The following SLIT3 variants were observed in gnomAD, a reference collection of about 807,000 sequenced individuals.
SLIT3 encodes slit guidance ligand 3, also known as slit homolog 3 protein.
SLIT3 carries 68 observed loss-of-function variants against 184.0 expected under a neutral mutation model. The ratio of observed to expected loss-of-function variants is 0.37; its 90% CI spans 0.30 to 0.45. SLIT3 has a LOEUF of 0.45. SLIT3 is among the 20% of genes least tolerant of loss of function. The pLI, the probability that SLIT3 is intolerant of heterozygous loss-of-function variation, is 1.00. For synonymous variants in SLIT3, 831 were observed against 828.6 expected, an observed-to-expected ratio of 1.00 and a Z score of -0.05; for missense variants, 1,707 against 2,026.0, an observed-to-expected ratio of 0.84 and a Z score of 3.02.
chr5:168,873,753 C>T (rs1459103523), intron 5 of SLIT3, among the ~76,000 whole-genome samples: 2 of 152,004 alleles, frequency 1.3e-5, no homozygotes, highest in East Asian at 3.9e-4. Context: ...ATTTTATAGA[C>T]TAAGAGTTGA....
intron 3 of SLIT3, among the ~76,000 whole-genome samples, chr5:169,233,423 G>A (rs1280719334): frequency 7.1e-6 from 1 of 139,960 alleles, no homozygotes; most frequent in African/African-American, 2.7e-5. Context: ...TTTTTTTGGT[G>A]TATTGACCTT....
chr5:168,777,719 G>A (rs1755812416), intron 12 of SLIT3, among the ~76,000 whole-genome samples: 1 of 152,218 alleles, frequency 6.6e-6, no homozygotes, highest in Admixed American at 6.5e-5. Flanking sequence ...GGCTCCCTCA[G>A]GCGAGGTGTG....
chr5:168,816,114 A>G (rs893344577), intron 8 of SLIT3, among the ~76,000 whole-genome samples: 8 of 152,174 alleles, frequency 5.3e-5, no homozygotes, highest in African/African-American at 1.9e-4. Context: ...CAGAAAAAGG[A>G]AGAGTTGGTG....
At chr5:168,692,949 C>T (rs1761951182) in intron 28 of SLIT3, among the ~76,000 whole-genome samples, 1 of 152,224 alleles carries the variant, frequency 6.6e-6, no homozygotes, top group African/African-American at 2.4e-5. Context: ...CCTAGCATCA[C>T]CATTTGGCTG....
intron 4 of SLIT3, among the ~76,000 whole-genome samples, chr5:168,900,478 A>G (rs962187571): frequency 1.3e-5 from 2 of 152,118 alleles, no homozygotes; most frequent in African/African-American, 4.8e-5. Context: ...AGCTGGGTAT[A>G]GTGGTATGTG....
intron 4 of SLIT3, among the ~76,000 whole-genome samples, chr5:169,114,907 A>C (rs1272141234): frequency 6.6e-6 from 1 of 152,196 alleles, no homozygotes; most frequent in African/African-American, 2.4e-5. Context: ...AAATTCTCCC[A>C]ATTAGGCAGT....
chr5:168,764,100 G>C (rs1755249671), intron 14 of SLIT3, among the ~76,000 whole-genome samples: 1 of 152,158 alleles, frequency 6.6e-6, no homozygotes, highest in Non-Finnish European at 1.5e-5. Context: ...ATCTTCCAGG[G>C]GCTGTTGTGC....
At chr5:169,207,370 T>TACACACACACACACACACAC (rs56721949) in intron 3 of SLIT3, among the ~76,000 whole-genome samples, 1 of 131,866 alleles carries the variant, frequency 7.6e-6, no homozygotes, top group Non-Finnish European at 1.6e-5. Context: ...TACACATACA[T>TACACACACACACACACACAC]ACACACACAC....
chr5:169,026,245 T>C (rs546793087), intron 4 of SLIT3: 1 of 152,342 alleles, frequency 6.6e-6, no homozygotes, highest in East Asian at 1.9e-4. Flanking sequence ...CTAATTTTAA[T>C]ATTAAAAATG....
chr5:169,222,064 T>A (rs1352227776), intron 3 of SLIT3, among the ~76,000 whole-genome samples: 1 of 152,212 alleles, frequency 6.6e-6, no homozygotes, highest in Non-Finnish European at 1.5e-5. Flanking sequence ...GCTTACCTCC[T>A]TGAATAATAA....
At chr5:168,812,777 C>G (rs1757203490) in intron 8 of SLIT3, among the ~76,000 whole-genome samples, 1 of 152,066 alleles carries the variant, frequency 6.6e-6, no homozygotes, top group Non-Finnish European at 1.5e-5. Flanking sequence ...AGCTAATAAT[C>G]TCATTCCTGC....
At chr5:169,003,761 T>A (rs1303416046) in intron 4 of SLIT3, among the ~76,000 whole-genome samples, 1 of 152,164 alleles carries the variant, frequency 6.6e-6, no homozygotes, top group Admixed American at 6.5e-5. Context: ...TTGCCAGATA[T>A]AACAAGAATA....
chr5:168,887,296 T>A (rs1760256595), intron 4 of SLIT3, among the ~76,000 whole-genome samples: 1 of 152,196 alleles, frequency 6.6e-6, no homozygotes, highest in Admixed American at 6.5e-5. Context: ...AAATCCTGTC[T>A]GTGTTAAATG....
At chr5:169,254,463 A>G (rs866329584) in intron 1 of SLIT3, among the ~76,000 whole-genome samples, 1 of 151,180 alleles carries the variant, frequency 6.6e-6, no homozygotes, top group East Asian at 1.9e-4. Flanking sequence ...GTCTCCAAAC[A>G]TGTCTGCCAT....
At chr5:169,053,651 C>T (rs1757887835) in intron 4 of SLIT3, among the ~76,000 whole-genome samples, 1 of 152,184 alleles carries the variant, frequency 6.6e-6, no homozygotes, top group Non-Finnish European at 1.5e-5. Flanking sequence ...TGTTTAGTTT[C>T]CACCACTCAC....
At chr5:168,866,659 G>C (rs1759312657) in intron 5 of SLIT3, among the ~76,000 whole-genome samples, 1 of 152,128 alleles carries the variant, frequency 6.6e-6, no homozygotes, top group African/African-American at 2.4e-5. Context: ...TTTAAACACT[G>C]TTAACAGTGA....
intron 4 of SLIT3, among the ~76,000 whole-genome samples, chr5:168,912,435 C>T (rs1761281720): frequency 6.6e-6 from 1 of 152,046 alleles, no homozygotes; most frequent in South Asian, 2.1e-4. Flanking sequence ...ATAGCATGCA[C>T]CAGTTTTTTC....
rs764385344 is a variant in SLIT3 at position 168,722,208 on chromosome 5, T to A, written c.2483+48A>T. The A allele has an allele frequency of 3.9e-6, 6 of 1,550,066 alleles. No individual in the cohort carries two copies. The South Asian group carries it at 6.7e-5, about 17-fold the overall frequency. ...GGGGAGTGCTTAGTCTGCTTCCTGC[T>A]GTCACTCAGCAATGTGTAAGTCAAA... On this transcript the variant is annotated intron_variant, in intron 23 of 35. Coordinates refer to ENST00000519560, the MANE Select transcript of SLIT3 (RefSeq NM_003062.4).
At chr5:168,786,839 G>A (rs561789978) in intron 11 of SLIT3, among the ~76,000 whole-genome samples, 1 of 152,218 alleles carries the variant, frequency 6.6e-6, no homozygotes, top group Admixed American at 6.5e-5. Context: ...CCACAGCACG[G>A]GCTTTGCTGT....
Sources: allele counts gnomAD v4.1 joint callset (sites outside exome capture counted in the v4.1 genomes callset), GRCh38; gene constraint gnomAD v4.1.1; transcripts MANE v1.5; gene names NCBI Gene and HGNC (gene_info 2026-07-23, HGNC 2026-07-21).